Variants in NARS2 observed in about 807,000 individuals in gnomAD.
NARS2 encodes asparaginyl-tRNA synthetase 2, mitochondrial, also known as asparaginyl-tRNA synthetase.
A neutral mutation model predicts 62.9 loss-of-function variants in NARS2; 60 were observed. The observed-to-expected ratio is 0.95, with a 90% confidence interval of 0.77 to 1.18. The LOEUF (loss-of-function observed/expected upper bound fraction) is 1.18. NARS2 is among the 50% of genes most tolerant of loss of function. The pLI is 0.00. For synonymous variants in NARS2, 196 were observed against 200.0 expected (o/e 0.98, Z 0.17); for missense variants, 619 against 576.4 (o/e 1.07, Z -0.76).
At chr11:78,526,282 A>T (rs1414247575) in intron 6 of NARS2, among the ~76,000 whole-genome samples, 1 of 152,088 alleles carries the variant, frequency 6.6e-6, no homozygotes, top group African/African-American at 2.4e-5. Flanking sequence ...TATTTACTTT[A>T]AAAAAAGCTT....
intron 6 of NARS2, among the ~76,000 whole-genome samples, chr11:78,516,688 A>G (rs916776575): frequency 2.0e-5 from 3 of 152,228 alleles, no homozygotes; most frequent in Admixed American, 1.3e-4. Context: ...AAGCTAAGAC[A>G]ACAAAGAGGA....
At chr11:78,537,700 C>T (rs563053835) in intron 5 of NARS2, among the ~76,000 whole-genome samples, 2 of 152,298 alleles carry the variant, frequency 1.3e-5, no homozygotes, top group Non-Finnish European at 2.9e-5. Flanking sequence ...ACTGAGGAGG[C>T]TGAGGAAGGA....
rs554188893 is a variant in NARS2, at chr11:78,448,359, C to G, written c.1165-4601G>C. Among the ~76,000 whole-genome samples, 142 of 149,840 alleles carry G rather than the reference C, an allele frequency of 9.5e-4. 1 individual carries two copies. Among genetic ancestry groups the G allele is most frequent in the Middle Eastern group, 3.5e-3 (1 of 284 alleles). On this transcript the variant is annotated intron_variant, in intron 11 of 13. Coordinates refer to ENST00000281038, the MANE Select transcript of NARS2 (RefSeq NM_024678.6). ...TGAGACGGACTCTCGCTCTGTAGGC[C>G]AGGCTGCAGTGCAGTGGCGCGATCT... is the stretch of plus-strand genomic sequence containing the variant.
At chr11:78,457,086 A>T (rs1858192087) in intron 11 of NARS2, among the ~76,000 whole-genome samples, 1 of 152,252 alleles carries the variant, frequency 6.6e-6, no homozygotes, top group Non-Finnish European at 1.5e-5. Context: ...CTGAGGTGAC[A>T]CAGGTAACTA....
chr11:78,528,744 A>G (rs1861380998), intron 6 of NARS2, 98 bp downstream of exon 6: 1 of 777,812 alleles, frequency 1.3e-6, no homozygotes, highest in Non-Finnish European at 2.2e-6. Context: ...AACTAATGAT[A>G]AAGACTAATT....
chr11:78,477,652 T>C (rs749873864), intron 9 of NARS2, among the ~76,000 whole-genome samples: 1 of 152,208 alleles, frequency 6.6e-6, no homozygotes, highest in Non-Finnish European at 1.5e-5. Context: ...TGGATGAAAT[T>C]AATGTCTAAA....
intron 5 of NARS2, among the ~76,000 whole-genome samples, chr11:78,540,486 CT>C (rs58487350): frequency 0.66 from 100,357 of 151,954 alleles, 35,786 homozygotes; most frequent in Non-Finnish European, 0.81. Flanking sequence ...CAATGGAAAA[CT>C]TATTTGACCT....
intron 12 of NARS2, 26 bp downstream of exon 12, chr11:78,443,635 G>A (rs768872669): frequency 1.3e-6 from 2 of 1,541,132 alleles, no homozygotes; most frequent in Non-Finnish European, 1.8e-6. Flanking sequence ...TTTCTCAATT[G>A]TGTTTCTTTT....
At chr11:78,440,270 G>T (rs1857535913) in intron 13 of NARS2, among the ~76,000 whole-genome samples, 1 of 151,984 alleles carries the variant, frequency 6.6e-6, no homozygotes, top group Non-Finnish European at 1.5e-5. Context: ...CACCATGTTG[G>T]CCAGGCTCAT....
intron 12 of NARS2, among the ~76,000 whole-genome samples, chr11:78,442,451 T>C (rs1304786192): frequency 6.6e-6 from 1 of 152,208 alleles, no homozygotes; most frequent in Non-Finnish European, 1.5e-5. Flanking sequence ...GAGATTTACA[T>C]ATAGGTTGAG....
chr11:78,528,921 T>A lies in NARS2; in HGVS notation c.610A>T (p.Lys204Ter). 6.2e-7 allele frequency: 1 copy of A among 1,610,388 alleles called. No individual in the cohort carries two copies. The highest frequency in any genetic ancestry group is 1.1e-5 in the South Asian group (1 of 90,992). Reference protein sequence around the residue: ...LFQLEPSGKLKVPEENFFNVP... With the variant: ...LFQLEPSGKL ...TTGAAGAAATTCTCCTCAGGTACCT[T>A]AAGTTTGCCTGAAGGCTGCAAATCA... Residue 204 changes from lysine (K) to a stop codon, truncating the protein, a stop_gained, in exon 6 of 14, where the codon AAG becomes TAG. Transcript: ENST00000281038. LOFTEE classifies it high-confidence loss of function.
At chr11:78,452,806 C>G (rs962250116) in intron 11 of NARS2, among the ~76,000 whole-genome samples, 2 of 152,158 alleles carry the variant, frequency 1.3e-5, no homozygotes, top group African/African-American at 4.8e-5. Context: ...CAATTAACCA[C>G]AGCCAAAAAT....
At chr11:78,532,487 T>A (rs1861515610) in intron 5 of NARS2, among the ~76,000 whole-genome samples, 1 of 152,072 alleles carries the variant, frequency 6.6e-6, no homozygotes, top group Admixed American at 6.6e-5. Context: ...AAATGAAGAC[T>A]CAAATGGCTA....
chr11:78,465,111 G>A (rs1288631046), intron 11 of NARS2, among the ~76,000 whole-genome samples: 1 of 152,216 alleles, frequency 6.6e-6, no homozygotes, highest in Non-Finnish European at 1.5e-5. Context: ...CCCGAGCCCT[G>A]CCCCACGGGA....
chr11:78,542,312 C>G (rs982885899), intron 5 of NARS2, among the ~76,000 whole-genome samples: 1 of 152,168 alleles, frequency 6.6e-6, no homozygotes, highest in African/African-American at 2.4e-5. Flanking sequence ...TGAGGCAAAA[C>G]AGAAAGTGAA....
intron 12 of NARS2, among the ~76,000 whole-genome samples, chr11:78,441,528 T>C (rs1857576116): frequency 6.6e-6 from 1 of 152,018 alleles, no homozygotes; most frequent in South Asian, 2.1e-4. Context: ...CTGGCCAACA[T>C]GGTGAAACCC....
At chr11:78,451,338 C>A (rs1857965097) in intron 11 of NARS2, among the ~76,000 whole-genome samples, 1 of 152,188 alleles carries the variant, frequency 6.6e-6, no homozygotes, top group Non-Finnish European at 1.5e-5. Context: ...AACAACTGGG[C>A]TAGTTACTAG....
Position 78,504,441 on chromosome 11 carries a change from T to G in NARS2, c.690-11246A>C, listed in dbSNP as rs1046575892. Among the ~76,000 whole-genome samples, 42 of 151,676 alleles carry G rather than the reference T, an allele frequency of 2.8e-4. 1 individual carries two copies. Among genetic ancestry groups the G allele is most frequent in the African/African-American group, 9.7e-4 (40 of 41,388 alleles). On this transcript the variant is annotated intron_variant, in intron 6 of 13. Transcript: ENST00000281038. Reference sequence around the variant, plus strand: ...TCATGTGGCAAAACACCAGTTTTTTTTTTTTTTTTTTTTTTCTGTGTAGGG... The same window carrying G: ...TCATGTGGCAAAACACCAGTTTTTTGTTTTTTTTTTTTTTTCTGTGTAGGG...
In NARS2 at chr11:78,574,655, C is replaced by T; in HGVS notation, c.-167G>A. The stretch of plus-strand genomic sequence containing the variant: ...GCTTTCTCCTTCAGGACTCCCAGCT[C>T]TGTCCCCACAGAACCTCTCCGCTTC... On this transcript the variant is annotated 5_prime_UTR_variant, in exon 1 of 14. Coordinates refer to ENST00000281038, the MANE Select transcript of NARS2 (RefSeq NM_024678.6). The T allele has an allele frequency of 2.9e-6, 2 of 693,046 alleles. No homozygotes were observed. The highest frequency in any genetic ancestry group is 4.7e-6 in the Non-Finnish European group (2 of 424,524). The allele number at this position is 693,046 out of a possible 1,614,324, so 42.9% of individuals were successfully genotyped here. A position where few individuals can be genotyped will look rare whatever the true frequency, so the allele number is the denominator to read the frequency against.
Sources: allele counts gnomAD v4.1 joint callset (sites outside exome capture counted in the v4.1 genomes callset), GRCh38; gene constraint gnomAD v4.1.1; transcripts MANE v1.5; gene names NCBI Gene and HGNC (gene_info 2026-07-23, HGNC 2026-07-21).